Variants in GTPBP2 observed in about 807,000 individuals in gnomAD.
GTPBP2 encodes GTP-binding protein 2.
In GTPBP2, 32 loss-of-function variants were observed where a neutral mutation model predicts 63.0. The observed-to-expected ratio is 0.51, with a 90% CI of 0.38 to 0.68. The LOEUF (loss-of-function observed/expected upper bound fraction) is 0.68, where lower values mean the gene tolerates loss of function less well. Ranked by LOEUF, GTPBP2 falls within the 30% of genes least tolerant of loss-of-function variation. The pLI, the probability that GTPBP2 is intolerant of heterozygous loss-of-function variation, is 0.00. For missense variants in GTPBP2, 492 were observed against 796.9 expected (o/e 0.62, Z 4.61); for synonymous variants, 310 against 322.6 (o/e 0.96, Z 0.42).
upstream of GTPBP2, chr6:43,629,746 C>T (rs563220592): frequency 1.2e-5 from 19 of 1,554,296 alleles, no homozygotes; most frequent in South Asian, 1.8e-4. Flanking sequence ...CAGTTTCTTC[C>T]CCTATGGCCC....
Position 43,629,228 on chromosome 6 carries a change from T to A in GTPBP2, c.-66A>T. On this transcript the variant is annotated 5_prime_UTR_variant, in exon 1 of 12. Transcript: ENST00000307126. ...CCGCCGCCGCCGTCGCCGCCGCCCT[T>A]ACTGCCACTGCCGTGTCCGGCCGGC... 2.7e-6 allele frequency: 3 copies of A among 1,121,902 alleles called. No homozygotes were observed. The highest frequency in any genetic ancestry group is 2.3e-5 in the South Asian group (1 of 42,818). The allele number at this position is 1,121,902 out of a possible 1,614,324, so 69.5% of individuals were successfully genotyped here.
rs1343761759 is a variant in GTPBP2 at position 43,621,353 on chromosome 6, T to C, written c.*261A>G. ...CAGCTCCGGCAGACAGGCCACAGGGTTGCCAGGTTTGATGAGCCAACCAGG... is the reference window on the plus strand; with the variant it reads ...CAGCTCCGGCAGACAGGCCACAGGGCTGCCAGGTTTGATGAGCCAACCAGG... On this transcript the variant is annotated 3_prime_UTR_variant, in exon 12 of 12. Coordinates refer to ENST00000307126, the MANE Select transcript of GTPBP2 (RefSeq NM_019096.5). 2.9e-6 allele frequency: 4 copies of C among 1,376,868 alleles called. No homozygotes were observed. Among genetic ancestry groups the C allele is most frequent in the Non-Finnish European group, 4.0e-6 (4 of 1,006,992 alleles). The allele number at this position is 1,376,868 out of a possible 1,614,324, so 85.3% of individuals were successfully genotyped here. A position where few individuals can be genotyped will look rare whatever the true frequency, so the allele number is the denominator to read the frequency against.
intron 1 of GTPBP2, chr6:43,627,495 G>A: frequency 5.0e-6 from 1 of 199,802 alleles, no homozygotes; most frequent in Non-Finnish European, 9.0e-6. Context: ...TGAGAGAGGA[G>A]AAGAGCTCCA....
chr6:43,628,838 G>T, intron 1 of GTPBP2, 139 bp downstream of exon 1: 1 of 956,534 alleles, frequency 1.0e-6, no homozygotes, highest in Non-Finnish European at 1.7e-6. Context: ...GGACCTGAAA[G>T]AGGTGTTCTC....
intron 1 of GTPBP2, 109 bp downstream of exon 1, chr6:43,628,868 T>TG: frequency 8.2e-7 from 1 of 1,218,842 alleles, no homozygotes; most frequent in Non-Finnish European, 1.2e-6. Flanking sequence ...CCCTCCTCCC[T>TG]GGGGTCTCGA....
At chr6:43,621,896 A>G in intron 11 of GTPBP2, 106 bp from the exon 12 acceptor site, 1 of 1,593,146 alleles carries the variant, frequency 6.3e-7, no homozygotes, top group South Asian at 1.1e-5. Context: ...TACCCACCCT[A>G]AGTGGGGTTT....
chr6:43,621,891 AC>A (rs1405440264), intron 11 of GTPBP2, 101 bp from the exon 12 acceptor site: 10 of 1,599,580 alleles, frequency 6.3e-6, no homozygotes, highest in Non-Finnish European at 8.6e-6. Flanking sequence ...GCCGCTACCC[AC>A]CCTAAGTGGG....
rs1189693095 is a variant in GTPBP2, at chr6:43,625,777, T to C, written c.486A>G (p.Arg162=). ...MPRKITEVLV[R]KVPDNQQFLD... is the part of the protein sequence containing the mutation. ...TCACCTGTTGGTTGTCAGGGACCTT[T>C]CGTACTAGCACCTCGGTGATCTTCC... Residue 162 remains arginine, a synonymous_variant, in exon 4 of 12, where the codon CGA becomes CGG. Coordinates refer to ENST00000307126, the MANE Select transcript of GTPBP2 (RefSeq NM_019096.5). The surrounding 1 kb of genome is among the most constrained non-coding windows in gnomAD (Gnocchi z 5.1). 3.1e-6 allele frequency: 5 copies of C among 1,613,530 alleles called. No homozygotes were observed. Among genetic ancestry groups the C allele is most frequent in the Non-Finnish European group, 4.2e-6 (5 of 1,179,592 alleles).
rs764045663 is a variant in GTPBP2 at position 43,626,982 on chromosome 6, G to A, written c.187-34C>T. On this transcript the variant is annotated intron_variant, in intron 1 of 11. Coordinates refer to ENST00000307126, the MANE Select transcript of GTPBP2 (RefSeq NM_019096.5). The surrounding 1 kb of genome is among the most constrained non-coding windows in gnomAD (Gnocchi z 4.0). The stretch of plus-strand genomic sequence containing the variant: ...AAACAGTGAGCAGTTACCATACACT[G>A]TACAGACCCAATCCCTACTTCCCCT... The A allele has an allele frequency of 7.0e-6, 11 of 1,581,746 alleles. No individual in the cohort carries two copies. In the South Asian group the frequency reaches 1.2e-4, roughly 18 times the overall value.
intron 1 of GTPBP2, chr6:43,628,469 G>C: frequency 3.5e-6 from 2 of 566,614 alleles, no homozygotes; most frequent in Non-Finnish European, 4.3e-6. Context: ...ACTGGCTTAG[G>C]CTGTGTGTGT....
chr6:43,624,599 G>A lies in GTPBP2; in HGVS notation c.1011C>T (p.Leu337=). 1.2e-6 allele frequency: 2 copies of A among 1,614,114 alleles called. No individual in the cohort carries two copies. The highest frequency in any genetic ancestry group is 1.7e-6 in the Non-Finnish European group (2 of 1,179,986). ...GGACCTTGTGGCAGCCAGGCTGCTT[G>A]AGGACCCGCTCCAGCTGGCGTACTG... The part of the protein sequence containing the change: ...ERTVRQLERV[L]KQPGCHKVPM... Residue 337 remains leucine (L), a synonymous_variant, in exon 7 of 12, where the codon CTC becomes CTT. Coordinates refer to ENST00000307126, the MANE Select transcript of GTPBP2 (RefSeq NM_019096.5). The surrounding 1 kb of genome is among the most constrained non-coding windows in gnomAD (Gnocchi z 5.1).
intron 1 of GTPBP2, 122 bp from the exon 2 acceptor site, chr6:43,627,070 A>G: frequency 1.1e-6 from 1 of 887,918 alleles, no homozygotes; most frequent in South Asian, 1.8e-5. Context: ...GCACTTGGTT[A>G]GGCAAGTGCC....
rs931623616 is a variant in GTPBP2, at chr6:43,621,257, T to C, written c.*357A>G. ...CCCCCTGTTGTGACCATTCCTGAAG[T>C]GCAGAGACCACACCAGCAAAACATG... is the stretch of plus-strand genomic sequence containing the variant. On this transcript the variant is annotated 3_prime_UTR_variant, in exon 12 of 12. Transcript: ENST00000307126. 8.9e-6 allele frequency: 4 copies of C among 450,750 alleles called. No individual in the cohort carries two copies. The highest frequency in any genetic ancestry group is 1.3e-5 in the Non-Finnish European group (3 of 237,462). The allele number at this position is 450,750 out of a possible 1,614,324, so 27.9% of individuals were successfully genotyped here.
Position 43,622,872 on chromosome 6 carries a change from A to G in GTPBP2, c.1296-68T>C. On this transcript the variant is annotated intron_variant, in intron 9 of 11. Transcript: ENST00000307126. The surrounding 1 kb of genome is among the most constrained non-coding windows in gnomAD (Gnocchi z 5.4). ...CCATACCTACTTCTCTATTAGGATC[A>G]CCCAGAGCATTCCTTCCCTTCTAGG... 1 of 1,248,144 alleles carries G rather than the reference A, an allele frequency of 8.0e-7. No individual in the cohort carries two copies. The highest frequency in any genetic ancestry group is 2.6e-5 in the East Asian group (1 of 39,196). 77.3% of individuals were successfully genotyped at this position (1,248,144 alleles called of 1,614,324 possible). A position where few individuals can be genotyped will look rare whatever the true frequency, so the allele number is the denominator to read the frequency against.
At chr6:43,630,971 C>T (rs1278149205), upstream of GTPBP2, among the ~76,000 whole-genome samples, 4 of 150,960 alleles carry the variant, frequency 2.6e-5, no homozygotes, top group Non-Finnish European at 5.9e-5. Flanking sequence ...CTCCAGACCT[C>T]AGTTGTCCTT....
chr6:43,629,877 A>G, upstream of GTPBP2: 3 of 1,371,728 alleles, frequency 2.2e-6, no homozygotes, highest in South Asian at 4.1e-5. Context: ...CTGCTTTATT[A>G]CCAGGCTGGC....
rs753770550 is a variant in GTPBP2, at chr6:43,625,916, C to T, written c.399-52G>A. On this transcript the variant is annotated intron_variant, in intron 3 of 11. Coordinates refer to ENST00000307126, the MANE Select transcript of GTPBP2 (RefSeq NM_019096.5). The surrounding 1 kb of genome is among the most constrained non-coding windows in gnomAD (Gnocchi z 5.1). ...TATCTCACCTGTCCTTCTCCTATTC[C>T]AGGCTCGCTCTGGACCTACAGACTT... The T allele has an allele frequency of 1.7e-5, 24 of 1,425,970 alleles. No homozygotes were observed. Among genetic ancestry groups the T allele is most frequent in the Non-Finnish European group, 2.2e-5 (22 of 1,009,174 alleles). The allele number at this position is 1,425,970 out of a possible 1,614,324, so 88.3% of individuals were successfully genotyped here. A position where few individuals can be genotyped will look rare whatever the true frequency, so the allele number is the denominator to read the frequency against.
rs780079213 is a variant in GTPBP2 at position 43,623,778 on chromosome 6, T to C, written c.1254A>G (p.Thr418=). 3 of 1,613,860 alleles carry C rather than the reference T, an allele frequency of 1.9e-6. No homozygotes were observed. In the Admixed American group the frequency reaches 5.0e-5, roughly 27 times the overall value. The change falls in exon 9 of 12, where the codon ACA becomes ACG. Residue 418 remains threonine, a synonymous_variant. Coordinates refer to ENST00000307126, the MANE Select transcript of GTPBP2 (RefSeq NM_019096.5). ...LTEFQVDEIY[T]VPEVGTVVGG... Reference sequence around the variant, plus strand: ...CAACAACAGTCCCCACCTCTGGTACTGTGTAGATTTCATCCACCTGAAGCC... The same window carrying C: ...CAACAACAGTCCCCACCTCTGGTACCGTGTAGATTTCATCCACCTGAAGCC...
At position 43,629,199 on chromosome 6, in the gene GTPBP2, C is replaced by A. The variant is rs1769724943; in HGVS notation, c.-37G>T. The A allele has an allele frequency of 7.6e-7, 1 of 1,319,286 alleles. No individual in the cohort carries two copies. Among genetic ancestry groups the A allele is most frequent in the East Asian group, 3.1e-5 (1 of 31,848 alleles). 81.7% of individuals were successfully genotyped at this position (1,319,286 alleles called of 1,614,324 possible). On this transcript the variant is annotated 5_prime_UTR_variant, in exon 1 of 12. Coordinates refer to ENST00000307126, the MANE Select transcript of GTPBP2 (RefSeq NM_019096.5). Reference sequence around the variant, plus strand: ...GCCAGCCCCCCGCCCGGCCCCTCCCCCGACCGCCGCCGCCGTCGCCGCCGC... The same window carrying A: ...GCCAGCCCCCCGCCCGGCCCCTCCCACGACCGCCGCCGCCGTCGCCGCCGC...
Sources: allele counts gnomAD v4.1 joint callset (sites outside exome capture counted in the v4.1 genomes callset), GRCh38; gene constraint gnomAD v4.1.1; non-coding constraint Gnocchi (gnomAD v3.1); transcripts MANE v1.5; gene names NCBI Gene and HGNC (gene_info 2026-07-23, HGNC 2026-07-21).